The following PLB1 variants were observed in gnomAD, a reference collection of about 807,000 sequenced individuals.
PLB1 encodes phospholipase B1, also known as phospholipase B1, membrane-associated.
PLB1 carries 242 observed loss-of-function variants against 227.4 expected under a neutral mutation model. The observed-to-expected ratio is 1.06, with a 90% CI of 0.96 to 1.18. PLB1 has a LOEUF of 1.18. Ranked by LOEUF, PLB1 falls within the 50% of genes most tolerant of loss-of-function variation. PLB1 has a pLI of 0.00. For missense variants in PLB1, 1,858 were observed against 1,816.3 expected (o/e 1.02, Z -0.42); for synonymous variants, 757 against 682.2 (o/e 1.11, Z -1.71).
intron 56 of PLB1, among the ~76,000 whole-genome samples, chr2:28,635,809 T>A (rs1449796889): frequency 2.6e-5 from 4 of 152,034 alleles, no homozygotes; most frequent in African/African-American, 7.3e-5. Context: ...CCTAGTCCTC[T>A]ACTGCTGCCT....
chr2:28,624,075 G>A (rs1268527384), intron 49 of PLB1, among the ~76,000 whole-genome samples: 2 of 152,144 alleles, frequency 1.3e-5, no homozygotes, highest in African/African-American at 2.4e-5. Context: ...TCCAGCCTGG[G>A]CAACAGAGCA....
At chr2:28,599,890 A>AAGTACTT (rs1683587552) in intron 35 of PLB1, among the ~76,000 whole-genome samples, 1 of 152,096 alleles carries the variant, frequency 6.6e-6, no homozygotes, top group Non-Finnish European at 1.5e-5. Flanking sequence ...CTTGGATTAC[A>AAGTACTT]GGCATGAGCC....
chr2:28,600,697 G>A (rs895514293), intron 35 of PLB1, 112 bp from the exon 36 acceptor site: 3 of 961,254 alleles, frequency 3.1e-6, no homozygotes, highest in Admixed American at 2.2e-5. Flanking sequence ...CGGGATCTCT[G>A]CCAGCTCATG....
intron 20 of PLB1, among the ~76,000 whole-genome samples, chr2:28,568,181 G>A (rs1439497615): frequency 1.3e-5 from 2 of 152,218 alleles, no homozygotes; most frequent in African/African-American, 2.4e-5. Context: ...ACACACATGA[G>A]CTATAAATCA....
intron 26 of PLB1, 88 bp downstream of exon 26, chr2:28,585,930 T>A (rs1680833275): frequency 1.6e-6 from 2 of 1,255,372 alleles, no homozygotes. Flanking sequence ...CTTAGGTAAT[T>A]TTGACCCTGT....
intron 27 of PLB1, 50 bp downstream of exon 27, chr2:28,589,604 G>A: frequency 6.2e-7 from 1 of 1,608,576 alleles, no homozygotes. Context: ...ATAGTGTGTG[G>A]CTGTTTCTGA....
chr2:28,601,510 C>T (rs1262112258), intron 37 of PLB1, among the ~76,000 whole-genome samples, 178 bp downstream of exon 37: 1 of 150,674 alleles, frequency 6.6e-6, no homozygotes, highest in African/African-American at 2.4e-5. Flanking sequence ...CTTCTTACCC[C>T]ACCACCCTCC....
intron 12 of PLB1, 22 bp from the exon 13 acceptor site, chr2:28,541,685 A>G: frequency 6.3e-7 from 1 of 1,592,040 alleles, no homozygotes; most frequent in Non-Finnish European, 8.6e-7. Context: ...CTGGATGGGC[A>G]CCTCTCTGCT....
intron 20 of PLB1, among the ~76,000 whole-genome samples, chr2:28,572,623 C>T (rs185604750): frequency 2.6e-4 from 39 of 152,190 alleles, no homozygotes; most frequent in African/African-American, 7.2e-4. Flanking sequence ...TGTTGAAAAC[C>T]GTACGCTAAG....
chr2:28,521,356 C>T (rs942048296), intron 4 of PLB1, among the ~76,000 whole-genome samples: 2 of 152,198 alleles, frequency 1.3e-5, no homozygotes, highest in Non-Finnish European at 2.9e-5. Context: ...AATCACCACA[C>T]TATTTTCCAT....
rs1491454365 is a variant in PLB1 at position 28,633,096 on chromosome 2, C to CTCTG, written c.4098+61_4098+64dup. ...AAGGGGGGATCTAAGGATATTGACA[C>CTCTG]TCTGTCTCACAATGGCAAAACTACT... On this transcript the variant is annotated intron_variant, in intron 56 of 57. Coordinates refer to ENST00000327757, the MANE Select transcript of PLB1 (RefSeq NM_153021.5). The CTCTG allele has an allele frequency of 9.0e-6, 13 of 1,448,190 alleles. No individual in the cohort carries two copies. The African/African-American group carries it at 1.5e-4, about 17-fold the overall frequency. The allele number at this position is 1,448,190 out of a possible 1,614,324, so 89.7% of individuals were successfully genotyped here.
At position 28,589,792 on chromosome 2, in the gene PLB1, A is replaced by G. The variant is rs547426128; in HGVS notation, c.2016+22A>G. 10 of 1,598,284 alleles carry G rather than the reference A, an allele frequency of 6.3e-6. No individual in the cohort carries two copies. In the East Asian group the frequency reaches 2.0e-4, roughly 32 times the overall value. ...TATGGTAAGTGGCTGCGGTAGGAAA[A>G]TGCATCCTCCCTCTGGTAAGAAAAA... On this transcript the variant is annotated intron_variant, in intron 28 of 57. Coordinates refer to ENST00000327757, the MANE Select transcript of PLB1 (RefSeq NM_153021.5).
intron 8 of PLB1, among the ~76,000 whole-genome samples, chr2:28,531,057 A>G (rs1002622074): frequency 6.6e-6 from 1 of 152,230 alleles, no homozygotes; most frequent in Non-Finnish European, 1.5e-5. Context: ...TTCCTCAACT[A>G]CATCGTGCTG....
Position 28,628,564 on chromosome 2 carries a change from A to T in PLB1, c.3662A>T (p.Glu1221Val). 1 of 1,613,878 alleles carries T rather than the reference A, an allele frequency of 6.2e-7. No homozygotes were observed. Among genetic ancestry groups the T allele is most frequent in the South Asian group, 1.1e-5 (1 of 91,080 alleles). Residue 1221 changes from glutamate to valine, a missense_variant and splice_region_variant, in exon 52 of 58, where the codon GAG (glutamate) becomes GTG (valine). Transcript: ENST00000327757. ...GAGAGTACCCTTTTTTCCTTACAGG[A>T]GGCCCACTTGGCCACGGAATATGTT... ...NDLCHYCENP[E>V]AHLATEYVQH...
chr2:28,496,842 G>A (rs1402934490), intron 1 of PLB1, among the ~76,000 whole-genome samples: 1 of 152,148 alleles, frequency 6.6e-6, no homozygotes, highest in Admixed American at 6.5e-5. Flanking sequence ...AAACTGAAAA[G>A]GGCCTTAAAG....
At chr2:28,580,767 T>G (rs1210754600) in intron 23 of PLB1, among the ~76,000 whole-genome samples, 2 of 149,588 alleles carry the variant, frequency 1.3e-5, no homozygotes, top group Non-Finnish European at 3.0e-5. Context: ...GAAAGGGGGT[T>G]GTTGGAGAGA....
chr2:28,619,687 A>T (rs777695563), intron 46 of PLB1, among the ~76,000 whole-genome samples: 3 of 152,124 alleles, frequency 2.0e-5, no homozygotes, highest in Non-Finnish European at 2.9e-5. Context: ...GGGGTAGACC[A>T]GCTCAAGGCC....
At position 28,597,900 on chromosome 2, in the gene PLB1, C is replaced by T. The variant is rs1683221562; in HGVS notation, c.2322-105C>T. The T allele has an allele frequency of 3.6e-6, 4 of 1,107,630 alleles. No individual in the cohort carries two copies. In the African/African-American group the frequency reaches 4.6e-5, roughly 13 times the overall value. The allele number at this position is 1,107,630 out of a possible 1,614,324, so 68.6% of individuals were successfully genotyped here. A position where few individuals can be genotyped will look rare whatever the true frequency, so the allele number is the denominator to read the frequency against. ...TGGGTCTGGCCCATCTCAAAGGTGC[C>T]GATGGGCACTAAGAAGGGTGGGGGC... On this transcript the variant is annotated intron_variant, in intron 33 of 57. Transcript: ENST00000327757.
At position 28,582,055 on chromosome 2, in the gene PLB1, C is replaced by T. The variant is rs780833882; in HGVS notation, c.1567-13C>T. ...GACAAATGGTGTTCAAGGGACACTT[C>T]CTCTTCCTGCAGGTCCACTATTCTC... On this transcript the variant is annotated splice_polypyrimidine_tract_variant and intron_variant, in intron 23 of 57. Transcript: ENST00000327757. 3.1e-6 allele frequency: 5 copies of T among 1,610,402 alleles called. No homozygotes were observed. The highest frequency in any genetic ancestry group is 2.2e-5 in the East Asian group (1 of 44,862).
Sources: allele counts gnomAD v4.1 joint callset (sites outside exome capture counted in the v4.1 genomes callset), GRCh38; gene constraint gnomAD v4.1.1; transcripts MANE v1.5; gene names NCBI Gene and HGNC (gene_info 2026-07-23, HGNC 2026-07-21).